The following FARS2 variants were observed in gnomAD, a reference collection of about 807,000 sequenced individuals.
FARS2 encodes phenylalanine--tRNA ligase, mitochondrial.
In FARS2, 40 loss-of-function variants were observed where a neutral mutation model predicts 46.4. That is an observed-to-expected ratio of 0.86 (90% CI 0.67 to 1.12). The LOEUF (loss-of-function observed/expected upper bound fraction) is 1.12, where lower values mean the gene tolerates loss of function less well. Ranked by LOEUF, FARS2 falls within the 50% of genes most tolerant of loss-of-function variation. FARS2 has a pLI of 0.00. For synonymous variants in FARS2, 234 were observed against 214.9 expected, an observed-to-expected ratio of 1.09 and a Z score of -0.78; for missense variants, 513 against 567.9, an observed-to-expected ratio of 0.90 and a Z score of 0.98.
intron 4 of FARS2, among the ~76,000 whole-genome samples, chr6:5,541,446 C>A (rs566942032): frequency 6.6e-6 from 1 of 152,152 alleles, no homozygotes; most frequent in Non-Finnish European, 1.5e-5. Context: ...ATTTCCATCT[C>A]CTGGAAAAGT....
At chr6:5,554,891 G>C (rs538908102) in intron 5 of FARS2, among the ~76,000 whole-genome samples, 1 of 151,702 alleles carries the variant, frequency 6.6e-6, no homozygotes, top group South Asian at 2.1e-4. Context: ...AGATGCTAGA[G>C]TAAGGTGAAC....
At chr6:5,721,681 T>C (rs1759921279) in intron 6 of FARS2, among the ~76,000 whole-genome samples, 1 of 152,254 alleles carries the variant, frequency 6.6e-6, no homozygotes, top group Admixed American at 6.5e-5. Context: ...GCCTTAAGTA[T>C]TGGGAAATAT....
chr6:5,626,263 A>C (rs1009857092), intron 6 of FARS2, among the ~76,000 whole-genome samples: 1 of 152,166 alleles, frequency 6.6e-6, no homozygotes, highest in Non-Finnish European at 1.5e-5. Context: ...CTGCAGGTCC[A>C]GATGAGGGTA....
intron 6 of FARS2, among the ~76,000 whole-genome samples, chr6:5,742,579 T>A (rs1168595809): frequency 2.0e-5 from 3 of 152,140 alleles, no homozygotes; most frequent in Non-Finnish European, 4.4e-5. Flanking sequence ...TTTCCTCTTA[T>A]TTTTTATCTG....
At chr6:5,418,526 T>C (rs1437708877) in intron 3 of FARS2, among the ~76,000 whole-genome samples, 1 of 152,202 alleles carries the variant, frequency 6.6e-6, no homozygotes, top group African/African-American at 2.4e-5. Flanking sequence ...ACTGGCACTA[T>C]TCCTGGTCCT....
At position 5,765,330 on chromosome 6, in the gene FARS2, G is replaced by C. The variant is rs188031643; in HGVS notation, c.1218-5961G>C. On this transcript the variant is annotated intron_variant, in intron 6 of 6. Coordinates refer to ENST00000274680, the MANE Select transcript of FARS2 (RefSeq NM_006567.5). This position sits in a 1 kb window ranked among gnomAD's most constrained non-coding sequence, Gnocchi z 4.0. ...AAAGTAAGTTTCAGGAAAAGCTTGA[G>C]TCATGTTTCCAGTTTCAAGAGCCAG... 1.7e-4 allele frequency among the ~76,000 whole-genome samples: 26 copies of C among 152,374 alleles called. No homozygotes were observed. The East Asian group carries it at 4.8e-3, about 28-fold the overall frequency.
At chr6:5,472,199 G>T (rs1396193838) in intron 4 of FARS2, among the ~76,000 whole-genome samples, 4 of 152,192 alleles carry the variant, frequency 2.6e-5, no homozygotes, top group African/African-American at 9.7e-5. Flanking sequence ...TGCTTCTGGA[G>T]CCTGTGGGCC....
chr6:5,556,828 A>G (rs1381246080), intron 5 of FARS2, among the ~76,000 whole-genome samples: 1 of 152,142 alleles, frequency 6.6e-6, no homozygotes, highest in Non-Finnish European at 1.5e-5. Flanking sequence ...GGAAATAAAT[A>G]TATAAGAACT....
chr6:5,527,088 A>G (rs1769513242), intron 4 of FARS2, among the ~76,000 whole-genome samples: 2 of 152,242 alleles, frequency 1.3e-5, no homozygotes, highest in Admixed American at 6.5e-5. Flanking sequence ...ATATAGATAT[A>G]CATAAAAGTT....
intron 5 of FARS2, among the ~76,000 whole-genome samples, chr6:5,586,251 T>C (rs1180472660): frequency 6.6e-6 from 1 of 152,164 alleles, no homozygotes; most frequent in Non-Finnish European, 1.5e-5. Context: ...TAGTATTATG[T>C]TGAATAGAAG....
intron 6 of FARS2, among the ~76,000 whole-genome samples, chr6:5,637,236 T>C (rs776258756): frequency 6.6e-6 from 1 of 152,240 alleles, no homozygotes; most frequent in African/African-American, 2.4e-5. Flanking sequence ...AGGCCTTAGA[T>C]ACCAAGAGCT....
intron 4 of FARS2, among the ~76,000 whole-genome samples, chr6:5,472,236 G>A (rs774689040): frequency 2.0e-5 from 3 of 152,150 alleles, no homozygotes; most frequent in East Asian, 1.9e-4. Context: ...TAGCAGGCAC[G>A]CTGGGATTTG....
intron 2 of FARS2, 53 bp from the exon 3 acceptor site, chr6:5,404,489 A>G: frequency 7.6e-7 from 1 of 1,317,210 alleles, no homozygotes; most frequent in South Asian, 1.7e-5. Flanking sequence ...AAGTTATCTG[A>G]TATAGATGGG....
In FARS2 at chr6:5,709,046, T is replaced by A. The variant is rs530209133; in HGVS notation, c.1218-62245T>A. Among the ~76,000 whole-genome samples, 7 of 152,302 alleles carry A rather than the reference T, an allele frequency of 4.6e-5. No homozygotes were observed. In the South Asian group the frequency reaches 1.5e-3, roughly 32 times the overall value. On this transcript the variant is annotated intron_variant, in intron 6 of 6. Coordinates refer to ENST00000274680, the MANE Select transcript of FARS2 (RefSeq NM_006567.5). ...CTTGTCGTGAACAACAGTAAACAGG[T>A]CTTGAAGAAGCTCCATGTCTGAAAC...
chr6:5,355,551 G>A (rs935350481), intron 1 of FARS2, among the ~76,000 whole-genome samples: 3 of 151,774 alleles, frequency 2.0e-5, no homozygotes, highest in Non-Finnish European at 2.9e-5. Context: ...TAGAGATGGG[G>A]TTTCACCATG....
At chr6:5,347,661 A>G (rs1363248072) in intron 1 of FARS2, among the ~76,000 whole-genome samples, 1 of 152,152 alleles carries the variant, frequency 6.6e-6, no homozygotes, top group African/African-American at 2.4e-5. Context: ...TTTCTTGGTT[A>G]AATACCTAGG....
intron 2 of FARS2, among the ~76,000 whole-genome samples, chr6:5,389,079 T>C (rs1378705688): frequency 6.6e-6 from 1 of 152,196 alleles, no homozygotes; most frequent in Non-Finnish European, 1.5e-5. Context: ...AGTAAGATTT[T>C]TCCTTCCTAA....
At chr6:5,716,973 T>C (rs1344952459) in intron 6 of FARS2, among the ~76,000 whole-genome samples, 1 of 152,202 alleles carries the variant, frequency 6.6e-6, no homozygotes, top group Non-Finnish European at 1.5e-5. Flanking sequence ...ACCAGGTAGA[T>C]ATGTGATTGG....
intron 1 of FARS2, among the ~76,000 whole-genome samples, chr6:5,326,349 G>T (rs892578563): frequency 1.3e-5 from 2 of 152,340 alleles, no homozygotes; most frequent in East Asian, 3.9e-4. Flanking sequence ...AGATTCTAGT[G>T]CAGGGGCCCT....
Sources: gnomAD v4.1 joint callset for allele counts (sites outside exome capture counted in the v4.1 genomes callset) on GRCh38, gnomAD v4.1.1 for gene constraint, Gnocchi (gnomAD v3.1) non-coding constraint, MANE v1.5 for transcripts, NCBI Gene and HGNC (gene_info 2026-07-23, HGNC 2026-07-21) for gene names.